The following KMT2A variants were observed in gnomAD, a reference collection of about 807,000 sequenced individuals.
KMT2A encodes histone-lysine N-methyltransferase 2A.
In KMT2A, 16 loss-of-function variants were observed where a neutral mutation model predicts 345.3. The ratio of observed to expected loss-of-function variants is 0.05; its 90% CI spans 0.03 to 0.07. KMT2A has a LOEUF of 0.07. Ranked by LOEUF, KMT2A falls within the 10% of genes least tolerant of loss-of-function variation. KMT2A has a pLI of 1.00. For synonymous variants in KMT2A, 1,599 were observed against 1,778.6 expected (o/e 0.90, Z 2.54); for missense variants, 3,272 against 4,841.6 (o/e 0.68, Z 9.62).
chr11:118,473,861 G>A lies in KMT2A; in HGVS notation c.2702G>A (p.Ser901Asn), dbSNP rs782818853. 20 of 1,614,094 alleles carry A rather than the reference G, an allele frequency of 1.2e-5. No individual in the cohort carries two copies. In the Admixed American group the frequency reaches 3.3e-4, roughly 27 times the overall value. Residue 901 changes from serine to asparagine, a missense_variant, in exon 3 of 36, where the codon AGT becomes AAT. This residue lies in a region of KMT2A where 209 missense variants were observed against 237.4 expected (regional missense o/e 0.88). Coordinates refer to ENST00000534358, the MANE Select transcript of KMT2A (RefSeq NM_001197104.2). This position sits in a 1 kb window ranked among gnomAD's most constrained non-coding sequence, Gnocchi z 5.2. The part of the protein sequence containing the change: ...EKRKKGSEIQ[S>N]SSALYPVGRV... ...AGGAAAAAGGGATCAGAAATTCAGAGTAGTTCTGCTTTGTATCCTGTGGGT... is the reference window on the plus strand; with the variant it reads ...AGGAAAAAGGGATCAGAAATTCAGAATAGTTCTGCTTTGTATCCTGTGGGT...
intron 31 of KMT2A, among the ~76,000 whole-genome samples, chr11:118,513,852 G>A (rs1418951996): frequency 2.0e-5 from 3 of 148,432 alleles, no homozygotes; most frequent in African/African-American, 2.5e-5. Context: ...TGGGAGGAGC[G>A]CATTGAGCCT....
chr11:118,469,890 G>C (rs1238709533), intron 2 of KMT2A, among the ~76,000 whole-genome samples: 1 of 152,152 alleles, frequency 6.6e-6, no homozygotes, highest in African/African-American at 2.4e-5. Context: ...TCTAGTTGGG[G>C]GCAGTTGGCC....
chr11:118,440,782 A>AT (rs797030448), intron 1 of KMT2A, among the ~76,000 whole-genome samples: 5,468 of 133,938 alleles, frequency 0.041, 114 homozygotes, highest in African/African-American at 0.05. Context: ...GGAGAGCGTG[A>AT]TTTTTTTTTT....
intron 27 of KMT2A, 107 bp from the exon 28 acceptor site, chr11:118,507,422 T>G: frequency 1.0e-6 from 1 of 958,716 alleles, no homozygotes; most frequent in Non-Finnish European, 1.6e-6. Flanking sequence ...TGCTGGCTTA[T>G]AGACTTTATC....
chr11:118,499,926 A>C lies in KMT2A; in HGVS notation c.6158+13A>C, dbSNP rs372482881. ...CTATTGGATATCAGTAAGTAGCACT[A>C]TAAAGAGAAGAGAGCAGCCCCACAA... On this transcript the variant is annotated intron_variant, in intron 24 of 35. Transcript: ENST00000534358. 2 of 1,576,442 alleles carry C rather than the reference A, an allele frequency of 1.3e-6. No homozygotes were observed. The highest frequency in any genetic ancestry group is 1.7e-6 in the Non-Finnish European group (2 of 1,145,764).
chr11:118,474,263 GC>G lies in KMT2A; in HGVS notation c.3105del (p.Cys1035Ter). 1 of 1,614,162 alleles carries G rather than the reference GC, an allele frequency of 6.2e-7. No homozygotes were observed. The highest frequency in any genetic ancestry group is 8.5e-7 in the Non-Finnish European group (1 of 1,180,036). On this transcript the variant is annotated frameshift_variant, in exon 3 of 36. Coordinates refer to ENST00000534358, the MANE Select transcript of KMT2A (RefSeq NM_001197104.2). LOFTEE classifies it high-confidence loss of function. ...SLLKKAKAQL[C>X]KIEKSKSLKQ... ...CTAAAAAAGGCCAAAGCTCAGCTCT[GC>G]AAGATTGAGAAGAGTAAGAGTCTTA...
chr11:118,472,323 A>T lies in KMT2A; in HGVS notation c.1164A>T (p.Glu388Asp). Residue 388 changes from glutamate (E) to aspartate (D), a missense_variant, in exon 3 of 36, where the codon GAA (glutamate) becomes GAT (aspartate). Glu to Asp is a conservative substitution (Grantham distance 45). This residue lies in a region of KMT2A where 412 missense variants were observed against 511.0 expected (regional missense o/e 0.81). Coordinates refer to ENST00000534358, the MANE Select transcript of KMT2A (RefSeq NM_001197104.2). Reference protein sequence around the residue: ...RAKKGAQKKIEKEAAQLQGRK... With the variant: ...RAKKGAQKKIDKEAAQLQGRK... ...AAAAGGGGGCTCAAAAGAAAATTGA[A>T]AAAGAAGCAGCTCAGCTGCAGGGAA... 1 of 1,614,170 alleles carries T rather than the reference A, an allele frequency of 6.2e-7. No homozygotes were observed. Among genetic ancestry groups the T allele is most frequent in the Non-Finnish European group, 8.5e-7 (1 of 1,180,032 alleles).
chr11:118,521,811 G>GC lies in KMT2A; in HGVS notation c.11644-86_11644-85insC. 1 of 1,404,960 alleles carries GC rather than the reference G, an allele frequency of 7.1e-7. No homozygotes were observed. The highest frequency in any genetic ancestry group is 9.8e-7 in the Non-Finnish European group (1 of 1,016,420). The allele number at this position is 1,404,960 out of a possible 1,614,324, so 87.0% of individuals were successfully genotyped here. On this transcript the variant is annotated intron_variant, in intron 35 of 35. Coordinates refer to ENST00000534358, the MANE Select transcript of KMT2A (RefSeq NM_001197104.2). The surrounding 1 kb of genome is among the most constrained non-coding windows in gnomAD (Gnocchi z 5.3). ...GAAGAAACTTTCTCAGCCGCTATAGGTAACATCAAGAGAAGATTGGGACAT... is the reference window on the plus strand; with the variant it reads ...GAAGAAACTTTCTCAGCCGCTATAGGCTAACATCAAGAGAAGATTGGGACAT...
chr11:118,482,637 CG>C, intron 8 of KMT2A, 142 bp downstream of exon 8: 1 of 583,138 alleles, frequency 1.7e-6, no homozygotes, highest in South Asian at 2.3e-5. Context: ...TAGCTGGGCA[CG>C]GTGGCTCACG....
chr11:118,491,786 C>T lies in KMT2A; in HGVS notation c.4862C>T (p.Ala1621Val), dbSNP rs1555042531. 6.2e-7 allele frequency: 1 copy of T among 1,613,144 alleles called. No homozygotes were observed. Among genetic ancestry groups the T allele is most frequent in the Non-Finnish European group, 8.5e-7 (1 of 1,179,514 alleles). ...CTATCTAATCTGCCAGAAAGTGTGGCCTACACTTGTGTGAACTGTACTGAG... is the reference window on the plus strand; with the variant it reads ...CTATCTAATCTGCCAGAAAGTGTGGTCTACACTTGTGTGAACTGTACTGAG... ...EILSNLPESV[A>V]YTCVNCTERH... The change falls in exon 15 of 36, where the codon GCC becomes GTC. Residue 1621 changes from alanine (A) to valine (V), a missense_variant. Around this residue, in one of 27 missense-constraint regions of KMT2A, gnomAD observed 120 missense variants for 280.4 expected, o/e 0.43. Coordinates refer to ENST00000534358, the MANE Select transcript of KMT2A (RefSeq NM_001197104.2). This position sits in a 1 kb window ranked among gnomAD's most constrained non-coding sequence, Gnocchi z 4.2.
rs1555053925 is a variant in KMT2A at position 118,522,429 on chromosome 11, T to G, written c.*257T>G. On this transcript the variant is annotated 3_prime_UTR_variant, in exon 36 of 36. Transcript: ENST00000534358. This position sits in a 1 kb window ranked among gnomAD's most constrained non-coding sequence, Gnocchi z 5.4. ...CCTCCAATTGTTTACTGTTAGAAAG[T>G]GGGAATGGGGTCCCTAGCAGACTTG... 2 of 456,812 alleles carry G rather than the reference T, an allele frequency of 4.4e-6. No individual in the cohort carries two copies. The highest frequency in any genetic ancestry group is 8.0e-6 in the Non-Finnish European group (2 of 250,862). The allele number at this position is 456,812 out of a possible 1,614,324, so 28.3% of individuals were successfully genotyped here.
At chr11:118,515,047 G>A (rs1310579324) in intron 31 of KMT2A, among the ~76,000 whole-genome samples, 2 of 152,242 alleles carry the variant, frequency 1.3e-5, no homozygotes, top group African/African-American at 2.4e-5. Flanking sequence ...GATCACAGGC[G>A]TGAGCCACTG....
chr11:118,485,174 TC>T (rs1950207454), intron 10 of KMT2A, among the ~76,000 whole-genome samples, 199 bp downstream of exon 10: 1 of 152,200 alleles, frequency 6.6e-6, no homozygotes, highest in Non-Finnish European at 1.5e-5. Flanking sequence ...AGTGAAAAGA[TC>T]AATAATCCCA....
chr11:118,501,576 G>A, intron 25 of KMT2A, 96 bp from the exon 26 acceptor site: 1 of 1,063,436 alleles, frequency 9.4e-7, no homozygotes, highest in Non-Finnish European at 1.4e-6. Context: ...TTTGCTTCTA[G>A]TTTTACATTT....
At chr11:118,439,158 C>CAAAAAAAAAAAAAAAG in intron 1 of KMT2A, 4 of 265,448 alleles carry the variant, frequency 1.5e-5, no homozygotes, top group East Asian at 9.3e-5. Flanking sequence ...GATACAGCAG[C>CAAAAAAAAAAAAAAAG]AAAAAAAAAA....
intron 1 of KMT2A, among the ~76,000 whole-genome samples, chr11:118,462,174 G>A (rs960469321): frequency 1.3e-5 from 2 of 151,956 alleles, no homozygotes; most frequent in African/African-American, 4.8e-5. Flanking sequence ...GGCTGATCTC[G>A]AACTCCTGGC....
At chr11:118,509,860 A>C in intron 29 of KMT2A, 88 bp from the exon 30 acceptor site, 1 of 949,618 alleles carries the variant, frequency 1.1e-6, no homozygotes, top group Non-Finnish European at 1.5e-6. Context: ...TGTTAGGCTT[A>C]GAGATCATTT....
At chr11:118,489,730 G>A (rs567819594) in intron 11 of KMT2A, 62 bp from the exon 12 acceptor site, 2 of 1,361,204 alleles carry the variant, frequency 1.5e-6, no homozygotes, top group Non-Finnish European at 2.1e-6. Flanking sequence ...GGGGTACTAA[G>A]TAATAGGTGT....
At chr11:118,500,908 TAA>T in intron 24 of KMT2A, 77 bp from the exon 25 acceptor site, 1 of 1,147,962 alleles carries the variant, frequency 8.7e-7, no homozygotes, top group Non-Finnish European at 1.3e-6. Flanking sequence ...GAACCTAGGA[TAA>T]AGAGAGGTTT....
Sources: gnomAD v4.1 joint callset for allele counts (sites outside exome capture counted in the v4.1 genomes callset) on GRCh38, gnomAD v4.1.1 for gene constraint, gnomAD v4.1.1 regional missense constraint, Gnocchi (gnomAD v3.1) non-coding constraint, MANE v1.5 for transcripts, NCBI Gene and HGNC (gene_info 2026-07-23, HGNC 2026-07-21) for gene names.